SH3GL3: variants seen among roughly 807,000 people sequenced by gnomAD.
The protein encoded by SH3GL3 is endophilin-A3.
Under a neutral mutation model 47.7 loss-of-function variants are expected in SH3GL3, and 33 were observed. That is an observed-to-expected ratio of 0.69 (90% CI 0.52 to 0.92). The LOEUF (loss-of-function observed/expected upper bound fraction) is 0.92, where lower values mean the gene tolerates loss of function less well. Ranked by LOEUF, SH3GL3 falls within the 40% of genes least tolerant of loss-of-function variation. The probability of loss-of-function intolerance (pLI) is 0.00; values close to 1 mark genes in which losing one functional copy is unlikely to be tolerated. For synonymous variants in SH3GL3, 155 were observed against 148.8 expected (o/e 1.04, Z -0.30); for missense variants, 363 against 417.8 (o/e 0.87, Z 1.14).
chr15:83,473,358 C>T (rs1317031446), intron 1 of SH3GL3, among the ~76,000 whole-genome samples: 1 of 151,802 alleles, frequency 6.6e-6, no homozygotes, highest in Non-Finnish European at 1.5e-5. Flanking sequence ...AAGTCTAGGC[C>T]CCCATTCATC....
intron 6 of SH3GL3, among the ~76,000 whole-genome samples, chr15:83,577,951 G>T (rs1481611942): frequency 6.6e-6 from 1 of 152,166 alleles, no homozygotes; most frequent in Non-Finnish European, 1.5e-5. Context: ...CCAGCTCTCT[G>T]GTGCCTTTAC....
intron 1 of SH3GL3, among the ~76,000 whole-genome samples, chr15:83,468,553 C>T (rs2040684424): frequency 6.6e-6 from 1 of 152,140 alleles, no homozygotes; most frequent in Non-Finnish European, 1.5e-5. Flanking sequence ...TTCTACTTTT[C>T]TGAATTTTTA....
downstream of SH3GL3, among the ~76,000 whole-genome samples, chr15:83,622,276 G>A (rs1175617745): frequency 1.3e-5 from 2 of 152,198 alleles, no homozygotes; most frequent in Non-Finnish European, 2.9e-5. Flanking sequence ...CATGCCCACA[G>A]TCTTTGCTTT....
chr15:83,629,392 T>A, the SH3GL3 span, among the ~76,000 whole-genome samples: 24 of 152,260 alleles, frequency 1.6e-4, no homozygotes, highest in African/African-American at 5.5e-4. Context: ...AGAAATAGAC[T>A]TACATGTAAA....
At chr15:83,537,203 C>G (rs1294523910) in intron 1 of SH3GL3, among the ~76,000 whole-genome samples, 2 of 152,102 alleles carry the variant, frequency 1.3e-5, no homozygotes, top group African/African-American at 4.8e-5. Context: ...TCATGTTGCC[C>G]CTTCTGTCTG....
intron 1 of SH3GL3, among the ~76,000 whole-genome samples, chr15:83,521,538 G>A (rs1450136182): frequency 6.6e-6 from 1 of 152,100 alleles, no homozygotes; most frequent in Non-Finnish European, 1.5e-5. Flanking sequence ...TGACCGTCAA[G>A]GCTAAAAGCA....
At chr15:83,553,962 A>T (rs1316515228) in intron 1 of SH3GL3, among the ~76,000 whole-genome samples, 1 of 149,744 alleles carries the variant, frequency 6.7e-6, no homozygotes, top group Non-Finnish European at 1.5e-5. Context: ...ATACTTTAGC[A>T]TCACTGTTAT....
intron 1 of SH3GL3, among the ~76,000 whole-genome samples, chr15:83,556,839 C>T (rs1325522503): frequency 6.6e-6 from 1 of 152,194 alleles, no homozygotes; most frequent in Non-Finnish European, 1.5e-5. Context: ...GGCTCACTCA[C>T]CTGTTGCCGG....
At chr15:83,581,307 C>T (rs1596304331) in intron 6 of SH3GL3, among the ~76,000 whole-genome samples, 1 of 152,220 alleles carries the variant, frequency 6.6e-6, no homozygotes, top group East Asian at 1.9e-4. Flanking sequence ...GTCCTCACCT[C>T]TGCATTCTCC....
intron 1 of SH3GL3, among the ~76,000 whole-genome samples, chr15:83,457,974 T>G (rs1396120382): frequency 6.6e-6 from 1 of 152,238 alleles, no homozygotes; most frequent in Non-Finnish European, 1.5e-5. Context: ...TTTAGTTTAA[T>G]TTTTCAGCTT....
At chr15:83,463,832 G>C (rs919078548) in intron 1 of SH3GL3, among the ~76,000 whole-genome samples, 5 of 145,176 alleles carry the variant, frequency 3.4e-5, no homozygotes, top group African/African-American at 1.3e-4. Context: ...GCAGTGGCAC[G>C]ATATTGGCTC....
chr15:83,521,717 G>T (rs1018730689), intron 1 of SH3GL3, among the ~76,000 whole-genome samples: 5 of 152,128 alleles, frequency 3.3e-5, no homozygotes, highest in Non-Finnish European at 5.9e-5. Flanking sequence ...GCAGCAAACC[G>T]TTCAGATTAG....
intron 1 of SH3GL3, among the ~76,000 whole-genome samples, chr15:83,523,967 A>C (rs1234037872): frequency 1.5e-5 from 2 of 134,194 alleles, no homozygotes; most frequent in South Asian, 2.5e-4. Context: ...AAAAAAAAAA[A>C]CAGACAGCAA....
chr15:83,525,934 T>A (rs1485169528), intron 1 of SH3GL3, among the ~76,000 whole-genome samples: 1 of 152,186 alleles, frequency 6.6e-6, no homozygotes, highest in Non-Finnish European at 1.5e-5. Context: ...GTTCTGTAAT[T>A]TTTTTGACAT....
At chr15:83,568,492 G>A in intron 3 of SH3GL3, 37 bp from the exon 4 acceptor site, 1 of 1,585,254 alleles carries the variant, frequency 6.3e-7, no homozygotes, top group Non-Finnish European at 8.6e-7. Context: ...ACTCCACCTT[G>A]TAACTTTAAA....
At chr15:83,574,615 A>G (rs1284501057) in intron 5 of SH3GL3, among the ~76,000 whole-genome samples, 1 of 151,950 alleles carries the variant, frequency 6.6e-6, no homozygotes, top group Non-Finnish European at 1.5e-5. Flanking sequence ...ACCCTTTCTG[A>G]GCTGCAAACC....
chr15:83,558,659 C>G (rs923635538), intron 1 of SH3GL3, among the ~76,000 whole-genome samples: 1 of 152,166 alleles, frequency 6.6e-6, no homozygotes, highest in African/African-American at 2.4e-5. Flanking sequence ...CCTGTCCTAT[C>G]CATTCCTGCC....
intron 1 of SH3GL3, among the ~76,000 whole-genome samples, chr15:83,476,083 A>G (rs1312751729): frequency 6.6e-6 from 1 of 152,192 alleles, no homozygotes; most frequent in Non-Finnish European, 1.5e-5. Flanking sequence ...ATAACTATCA[A>G]AAAATAGTAT....
intron 1 of SH3GL3, among the ~76,000 whole-genome samples, chr15:83,549,218 G>T (rs2044545854): frequency 6.6e-6 from 1 of 152,100 alleles, no homozygotes; most frequent in African/African-American, 2.4e-5. Context: ...TGTCAATACT[G>T]GGATTACCTG....
Sources: allele counts gnomAD v4.1 joint callset (sites outside exome capture counted in the v4.1 genomes callset), GRCh38; gene constraint gnomAD v4.1.1; transcripts MANE v1.5; gene names NCBI Gene and HGNC (gene_info 2026-07-23, HGNC 2026-07-21).